The following CLYBL variants were observed in gnomAD, a reference collection of about 807,000 sequenced individuals.
CLYBL encodes the protein citramalyl-CoA lyase, mitochondrial.
A neutral mutation model predicts 38.9 loss-of-function variants in CLYBL; 31 were observed. That is an observed-to-expected ratio of 0.80 (90% CI 0.60 to 1.08). The LOEUF is 1.08. CLYBL is among the 50% of genes least tolerant of loss of function. The probability of loss-of-function intolerance (pLI) is 0.00; values close to 1 mark genes in which losing one functional copy is unlikely to be tolerated. For synonymous variants in CLYBL, 171 were observed against 158.6 expected, an observed-to-expected ratio of 1.08 and a Z score of -0.59; for missense variants, 434 against 411.6, an observed-to-expected ratio of 1.05 and a Z score of -0.47.
intron 1 of CLYBL, among the ~76,000 whole-genome samples, chr13:99,726,054 C>T (rs1468455775): frequency 1.3e-5 from 2 of 152,104 alleles, no homozygotes; most frequent in East Asian, 3.8e-4. Flanking sequence ...TTTATGTAAA[C>T]ACATTAAGGC....
At chr13:99,879,279 C>T (rs1287492336) in intron 7 of CLYBL, among the ~76,000 whole-genome samples, 10 of 152,218 alleles carry the variant, frequency 6.6e-5, no homozygotes, top group African/African-American at 9.6e-5. Context: ...ATAATTTCAT[C>T]CTGCCTTTGT....
In CLYBL at chr13:99,849,902, G is replaced by A. The variant is rs2051291602; in HGVS notation, c.250-8959G>A. Among the ~76,000 whole-genome samples, 1 of 152,054 alleles carries A rather than the reference G, an allele frequency of 6.6e-6. No individual in the cohort carries two copies. The highest frequency in any genetic ancestry group is 1.5e-5 in the Non-Finnish European group (1 of 68,012). On this transcript the variant is annotated intron_variant, in intron 2 of 8. Coordinates refer to ENST00000339105, the MANE Select transcript of CLYBL (RefSeq NM_206808.5). This position sits in a 1 kb window ranked among gnomAD's most constrained non-coding sequence, Gnocchi z 4.9. ...TCCACTGGAGTTTTCTCTTTCCTGG[G>A]AATTTCATTGTATTTTGTTGAAAAA...
chr13:99,896,360 C>T (rs566078798), downstream of CLYBL: 1 of 152,368 alleles, frequency 6.6e-6, no homozygotes, highest in East Asian at 1.9e-4. Context: ...GTAACAATAA[C>T]GTCTCTCTCG....
rs958959585 is a variant in CLYBL, at chr13:99,849,991, A to G, written c.250-8870A>G. Among the ~76,000 whole-genome samples, 3 of 152,258 alleles carry G rather than the reference A, an allele frequency of 2.0e-5. No individual in the cohort carries two copies. Among genetic ancestry groups the G allele is most frequent in the African/African-American group, 7.2e-5 (3 of 41,478 alleles). On this transcript the variant is annotated intron_variant, in intron 2 of 8. Transcript: ENST00000339105. The surrounding 1 kb of genome is among the most constrained non-coding windows in gnomAD (Gnocchi z 4.9). ...CCCAATCCACACCATATACAAATAT[A>G]TATACTCAAAATGTATTAAAGACCT...
At chr13:99,904,815 C>T (rs190628884) in intron 8 of CLYBL, among the ~76,000 whole-genome samples, 112 of 152,274 alleles carry the variant, frequency 7.4e-4, no homozygotes, top group African/African-American at 2.5e-3. Context: ...CCCACAGCCC[C>T]GCAAGGCAGA....
In CLYBL at chr13:99,859,022, G is replaced by T. The variant is rs748622001; in HGVS notation, c.411G>T (p.Lys137Asn). ...RVLPSSLMLPKVESPEEIQWF... is the reference protein window; with the variant it reads ...RVLPSSLMLPNVESPEEIQWF... ...TTCCTTCCAGCCTGATGCTACCAAA[G>T]GTGGAAAGTCCTGAAGAAATCCAGT... is the stretch of plus-strand genomic sequence containing the variant. Residue 137 changes from lysine to asparagine, a missense_variant, in exon 3 of 9, where the codon AAG becomes AAT. Transcript: ENST00000339105. 6.2e-7 allele frequency: 1 copy of T among 1,613,704 alleles called. No homozygotes were observed. The highest frequency in any genetic ancestry group is 1.1e-5 in the South Asian group (1 of 90,942).
chr13:99,810,482 CAAG>C (rs1199200046), intron 2 of CLYBL, among the ~76,000 whole-genome samples: 1 of 152,016 alleles, frequency 6.6e-6, no homozygotes, highest in Non-Finnish European at 1.5e-5. Flanking sequence ...CGAGGGGTGA[CAAG>C]AAGCTGGGCA....
intron 2 of CLYBL, among the ~76,000 whole-genome samples, chr13:99,796,921 T>C (rs887885345): frequency 8.5e-5 from 13 of 152,192 alleles, no homozygotes; most frequent in African/African-American, 3.1e-4. Context: ...CCTGGTAGGC[T>C]CTTGGCTTTG....
chr13:99,717,572 G>C (rs1427377978), intron 1 of CLYBL, among the ~76,000 whole-genome samples: 1 of 151,666 alleles, frequency 6.6e-6, no homozygotes, highest in Non-Finnish European at 1.5e-5. Context: ...GGATCCTCCT[G>C]CCTCAGCCTC....
intron 2 of CLYBL, among the ~76,000 whole-genome samples, chr13:99,815,126 T>G (rs2050417713): frequency 6.6e-6 from 1 of 152,126 alleles, no homozygotes; most frequent in African/African-American, 2.4e-5. Flanking sequence ...GGGGAGGCAC[T>G]TCAGAACCCA....
intron 1 of CLYBL, among the ~76,000 whole-genome samples, chr13:99,706,693 A>G (rs930073399): frequency 7.9e-5 from 12 of 152,202 alleles, no homozygotes; most frequent in African/African-American, 2.6e-4. Context: ...TTGATTACCT[A>G]TTTTCCCTCC....
At chr13:99,691,409 G>A (rs371380864) in intron 1 of CLYBL, among the ~76,000 whole-genome samples, 1 of 152,092 alleles carries the variant, frequency 6.6e-6, no homozygotes, top group Admixed American at 6.5e-5. Flanking sequence ...GAAGGGGACA[G>A]TTGGGGATCA....
At chr13:99,754,416 C>CCAAAAAAAA (rs1454742490) in intron 1 of CLYBL, among the ~76,000 whole-genome samples, 6 of 71,884 alleles carry the variant, frequency 8.3e-5, no homozygotes, top group East Asian at 3.9e-4. Flanking sequence ...GACCCTGTCT[C>CCAAAAAAAA]AAAAAAAAAA....
intron 1 of CLYBL, among the ~76,000 whole-genome samples, chr13:99,685,540 C>G (rs1829688541): frequency 7.5e-6 from 1 of 134,194 alleles, no homozygotes; most frequent in South Asian, 2.1e-4. Context: ...ACCTCCTCTA[C>G]TGAAACCGAT....
chr13:99,789,598 G>T (rs547264992), intron 2 of CLYBL, among the ~76,000 whole-genome samples: 65 of 152,336 alleles, frequency 4.3e-4, no homozygotes, highest in Non-Finnish European at 7.8e-4. Context: ...GACATTTGCT[G>T]AGGAGTGCTT....
At chr13:99,846,228 G>T (rs943464859) in intron 2 of CLYBL, among the ~76,000 whole-genome samples, 1 of 150,966 alleles carries the variant, frequency 6.6e-6, no homozygotes, top group East Asian at 1.9e-4. Flanking sequence ...ATGCAAAGGT[G>T]GAACCAACAT....
intron 2 of CLYBL, among the ~76,000 whole-genome samples, chr13:99,821,972 A>G (rs1278438938): frequency 1.3e-5 from 2 of 152,188 alleles, no homozygotes; most frequent in African/African-American, 4.8e-5. Flanking sequence ...GCAGGCTTGC[A>G]CGTCTGGAAC....
At chr13:99,871,218 T>G (rs73559352) in intron 7 of CLYBL, among the ~76,000 whole-genome samples, 156 bp downstream of exon 7, 1 of 152,196 alleles carries the variant, frequency 6.6e-6, no homozygotes, top group Non-Finnish European at 1.5e-5. Context: ...AGAAAATTGC[T>G]TGAGATAGAT....
intron 1 of CLYBL, among the ~76,000 whole-genome samples, chr13:99,672,548 T>C (rs1329654826): frequency 6.6e-6 from 1 of 151,378 alleles, no homozygotes. Context: ...CTTCAGCAAG[T>C]GGATCGCTTG....
Sources: gnomAD v4.1 joint callset for allele counts (sites outside exome capture counted in the v4.1 genomes callset) on GRCh38, gnomAD v4.1.1 for gene constraint, Gnocchi (gnomAD v3.1) non-coding constraint, MANE v1.5 for transcripts, NCBI Gene and HGNC (gene_info 2026-07-23, HGNC 2026-07-21) for gene names.